The following STAT1 variants were observed in gnomAD, a reference collection of about 807,000 sequenced individuals.
STAT1 encodes signal transducer and activator of transcription 1-alpha/beta.
A neutral mutation model predicts 111.7 loss-of-function variants in STAT1; 24 were observed. That is an observed-to-expected ratio of 0.21 (90% CI 0.16 to 0.30). The LOEUF (loss-of-function observed/expected upper bound fraction) is 0.30, where lower values mean the gene tolerates loss of function less well. STAT1 is among the 10% of genes least tolerant of loss of function. STAT1 has a pLI of 1.00. For synonymous variants in STAT1, 332 were observed against 326.5 expected, an observed-to-expected ratio of 1.02 and a Z score of -0.18; for missense variants, 351 against 911.9, an observed-to-expected ratio of 0.38 and a Z score of 7.92.
chr2:190,990,915 T>G lies in STAT1; in HGVS notation c.1037+313A>C, dbSNP rs1559014350. ...GTTATGAGCCTATGCCCAAGAGGGG[T>G]GAGGCAGCCAGGAACTTTTACTCTC... is the stretch of plus-strand genomic sequence containing the variant. On this transcript the variant is annotated intron_variant, in intron 11 of 24. Transcript: ENST00000361099. This position sits in a 1 kb window ranked among gnomAD's most constrained non-coding sequence, Gnocchi z 5.1. Among the ~76,000 whole-genome samples the G allele has an allele frequency of 6.6e-6, 1 of 152,162 alleles. No homozygotes were observed. The highest frequency in any genetic ancestry group is 1.5e-5 in the Non-Finnish European group (1 of 68,032).
Position 190,984,192 on chromosome 2 carries a change from A to G in STAT1, c.1347+118T>C, listed in dbSNP as rs1574645829. 1.2e-6 allele frequency: 1 copy of G among 853,906 alleles called. No individual in the cohort carries two copies. The highest frequency in any genetic ancestry group is 1.5e-5 in the South Asian group (1 of 65,762). The allele number at this position is 853,906 out of a possible 1,614,324, so 52.9% of individuals were successfully genotyped here. A position where few individuals can be genotyped will look rare whatever the true frequency, so the allele number is the denominator to read the frequency against. ...GTTAAGATAGTATTAGCTGAAAAAG[A>G]TCATTTTAAAACAATTAGGTAAATA... On this transcript the variant is annotated intron_variant, in intron 16 of 24. Coordinates refer to ENST00000361099, the MANE Select transcript of STAT1 (RefSeq NM_007315.4). This position sits in a 1 kb window ranked among gnomAD's most constrained non-coding sequence, Gnocchi z 5.2.
chr2:191,013,741 TGGG>T (rs961342309), intron 1 of STAT1, 63 bp from the exon 2 acceptor site: 5 of 398,426 alleles, frequency 1.3e-5, no homozygotes, highest in African/African-American at 1.0e-4. Context: ...TGACGGTAAA[TGGG>T]AAGGTGCAGT....
In STAT1 at chr2:190,987,486, G is replaced by C. The variant is rs891298551; in HGVS notation, c.1098-418C>G. Among the ~76,000 whole-genome samples, 1 of 152,190 alleles carries C rather than the reference G, an allele frequency of 6.6e-6. No homozygotes were observed. Among genetic ancestry groups the C allele is most frequent in the South Asian group, 2.1e-4 (1 of 4,830 alleles). ...GGTGCAAGGCCCTGCACTAAGCACT[G>C]GGGATCCAGCCAACAGCACTGCCCA... On this transcript the variant is annotated intron_variant, in intron 12 of 24. Coordinates refer to ENST00000361099, the MANE Select transcript of STAT1 (RefSeq NM_007315.4). The surrounding 1 kb of genome is among the most constrained non-coding windows in gnomAD (Gnocchi z 4.0).
chr2:191,012,645 C>G lies in STAT1; in HGVS notation c.-2+880G>C, dbSNP rs1177382826. Among the ~76,000 whole-genome samples the G allele has an allele frequency of 6.6e-6, 1 of 152,124 alleles. No homozygotes were observed. The highest frequency in any genetic ancestry group is 1.5e-5 in the Non-Finnish European group (1 of 68,022). On this transcript the variant is annotated intron_variant, in intron 2 of 24. Coordinates refer to ENST00000361099, the MANE Select transcript of STAT1 (RefSeq NM_007315.4). The surrounding 1 kb of genome is among the most constrained non-coding windows in gnomAD (Gnocchi z 4.0). ...AGCCTCTGCTGCCCACAGATTGGAC[C>G]ACATCAATCTCCTGTGCAAAAATCC...
intron 10 of STAT1, among the ~76,000 whole-genome samples, chr2:190,991,556 T>C (rs554739298): frequency 3.7e-4 from 56 of 152,278 alleles, no homozygotes; most frequent in South Asian, 1.7e-3. Flanking sequence ...AACTATTACA[T>C]TGAAACAAAC....
At chr2:190,972,090 T>A (rs927839107) in intron 24 of STAT1, among the ~76,000 whole-genome samples, 1 of 152,098 alleles carries the variant, frequency 6.6e-6, no homozygotes, top group Non-Finnish European at 1.5e-5. Flanking sequence ...GATAGATAGA[T>A]AGAGGAAGAG....
At position 191,007,731 on chromosome 2, in the gene STAT1, T is replaced by C. The variant is rs1694814043; in HGVS notation, c.274-70A>G. 2.6e-6 allele frequency: 3 copies of C among 1,151,804 alleles called. No individual in the cohort carries two copies. The highest frequency in any genetic ancestry group is 4.7e-5 in the East Asian group (2 of 42,632). The allele number at this position is 1,151,804 out of a possible 1,614,324, so 71.3% of individuals were successfully genotyped here. On this transcript the variant is annotated intron_variant, in intron 4 of 24. Coordinates refer to ENST00000361099, the MANE Select transcript of STAT1 (RefSeq NM_007315.4). The surrounding 1 kb of genome is among the most constrained non-coding windows in gnomAD (Gnocchi z 4.2). ...GTTTACTTTATTGTGTATTGTAAGT[T>C]GATATGAATTTGTTTATATTCTCCG...
rs972126809 is a variant in STAT1, at chr2:190,996,783, C to T, written c.785+1073G>A. Among the ~76,000 whole-genome samples, 4 of 152,126 alleles carry T rather than the reference C, an allele frequency of 2.6e-5. No individual in the cohort carries two copies. Among genetic ancestry groups the T allele is most frequent in the African/African-American group, 9.7e-5 (4 of 41,406 alleles). Reference sequence around the variant, plus strand: ...AGATCTCTGGTCCTTGGACCCTTAGCAATTGTCCCAGGCCACCTTCCCTCA... The same window carrying T: ...AGATCTCTGGTCCTTGGACCCTTAGTAATTGTCCCAGGCCACCTTCCCTCA... On this transcript the variant is annotated intron_variant, in intron 9 of 24. Coordinates refer to ENST00000361099, the MANE Select transcript of STAT1 (RefSeq NM_007315.4). This position sits in a 1 kb window ranked among gnomAD's most constrained non-coding sequence, Gnocchi z 4.5.
At position 190,970,846 on chromosome 2, in the gene STAT1, CGT is replaced by C. The variant is rs2124977336; in HGVS notation, c.2239-131_2239-130del. On this transcript the variant is annotated intron_variant, in intron 24 of 24. Transcript: ENST00000361099. The surrounding 1 kb of genome is among the most constrained non-coding windows in gnomAD (Gnocchi z 5.4). Reference sequence around the variant, plus strand: ...GATACTTGCAATGGCAAATAAATACCGTGGAATAAGAGGGCCTTCAGCATGTA... The same window carrying C: ...GATACTTGCAATGGCAAATAAATACCGGAATAAGAGGGCCTTCAGCATGTA... The C allele has an allele frequency of 4.5e-6, 4 of 895,648 alleles. No homozygotes were observed. Among genetic ancestry groups the C allele is most frequent in the Non-Finnish European group, 7.2e-6 (4 of 553,102 alleles). 55.5% of individuals were successfully genotyped at this position (895,648 alleles called of 1,614,324 possible).
intron 5 of STAT1, among the ~76,000 whole-genome samples, chr2:191,005,069 C>CA (rs1324626825): frequency 6.6e-6 from 1 of 152,166 alleles, no homozygotes; most frequent in Non-Finnish European, 1.5e-5. Flanking sequence ...TATTAAAAAA[C>CA]AATGGGAACA....
Position 191,004,140 on chromosome 2 carries a change from C to T in STAT1, c.373-2977G>A, listed in dbSNP as rs913557959. On this transcript the variant is annotated intron_variant, in intron 5 of 24. Transcript: ENST00000361099. This position sits in a 1 kb window ranked among gnomAD's most constrained non-coding sequence, Gnocchi z 5.0. ...TCTTACCCCTTCCACTCATCCCTCC[C>T]TGCTTCCCTCCACCCTGCCCCCATC... is the stretch of plus-strand genomic sequence containing the variant. 4.6e-5 allele frequency among the ~76,000 whole-genome samples: 7 copies of T among 152,312 alleles called. No homozygotes were observed. Among genetic ancestry groups the T allele is most frequent in the Middle Eastern group, 6.8e-3 (2 of 294 alleles).
Position 190,996,779 on chromosome 2 carries a change from T to G in STAT1, c.785+1077A>C, listed in dbSNP as rs1693890484. Reference sequence around the variant, plus strand: ...CGTGAGATCTCTGGTCCTTGGACCCTTAGCAATTGTCCCAGGCCACCTTCC... The same window carrying G: ...CGTGAGATCTCTGGTCCTTGGACCCGTAGCAATTGTCCCAGGCCACCTTCC... On this transcript the variant is annotated intron_variant, in intron 9 of 24. Coordinates refer to ENST00000361099, the MANE Select transcript of STAT1 (RefSeq NM_007315.4). The surrounding 1 kb of genome is among the most constrained non-coding windows in gnomAD (Gnocchi z 4.5). 6.6e-6 allele frequency among the ~76,000 whole-genome samples: 1 copy of G among 152,186 alleles called. No individual in the cohort carries two copies. The highest frequency in any genetic ancestry group is 1.5e-5 in the Non-Finnish European group (1 of 68,026).
At position 190,974,692 on chromosome 2, in the gene STAT1, T is replaced by C; in HGVS notation, c.2238+138A>G. 1.3e-6 allele frequency: 1 copy of C among 748,364 alleles called. No individual in the cohort carries two copies. Among genetic ancestry groups the C allele is most frequent in the East Asian group, 2.7e-5 (1 of 37,466 alleles). 46.4% of individuals were successfully genotyped at this position (748,364 alleles called of 1,614,324 possible). ...TCCAGCAGCTCCAACTTGTCATGGCTCATCTGAGCACTGCACTCTCCTTGG... is the reference window on the plus strand; with the variant it reads ...TCCAGCAGCTCCAACTTGTCATGGCCCATCTGAGCACTGCACTCTCCTTGG... On this transcript the variant is annotated intron_variant, in intron 24 of 24. Coordinates refer to ENST00000361099, the MANE Select transcript of STAT1 (RefSeq NM_007315.4). The surrounding 1 kb of genome is among the most constrained non-coding windows in gnomAD (Gnocchi z 4.8).
chr2:190,994,216 A>G (rs925579032), intron 10 of STAT1, among the ~76,000 whole-genome samples: 3 of 152,218 alleles, frequency 2.0e-5, no homozygotes, highest in Non-Finnish European at 4.4e-5. Context: ...TATAGGAATC[A>G]GCAAGAGGTC....
Position 191,011,470 on chromosome 2 carries a change from G to A in STAT1, c.-1-1466C>T, listed in dbSNP as rs145234062. On this transcript the variant is annotated intron_variant, in intron 2 of 24. Coordinates refer to ENST00000361099, the MANE Select transcript of STAT1 (RefSeq NM_007315.4). Reference sequence around the variant, plus strand: ...CTTGCTCTGTCATCCAGGTTGGAGCGCAGTGGCAGTGGAGCGCAGTTCACT... The same window carrying A: ...CTTGCTCTGTCATCCAGGTTGGAGCACAGTGGCAGTGGAGCGCAGTTCACT... Among the ~76,000 whole-genome samples the A allele has an allele frequency of 3.3e-5, 5 of 152,252 alleles. 1 individual carries two copies. Among genetic ancestry groups the A allele is most frequent in the Admixed American group, 1.3e-4 (2 of 15,300 alleles).
Position 190,996,029 on chromosome 2 carries a change from AT to A in STAT1, c.786-811del, listed in dbSNP as rs71403203. The stretch of plus-strand genomic sequence containing the variant: ...AGTGTCTCGGCAGGACCAGTCAGAG[AT>A]GTGGGGCAGAGGGGCAGGAGGAGAG... On this transcript the variant is annotated intron_variant, in intron 9 of 24. Coordinates refer to ENST00000361099, the MANE Select transcript of STAT1 (RefSeq NM_007315.4). The surrounding 1 kb of genome is among the most constrained non-coding windows in gnomAD (Gnocchi z 4.5). Among the ~76,000 whole-genome samples, 11,787 of 152,158 alleles carry A rather than the reference AT, an allele frequency of 0.077. 565 individuals carry two copies. The highest frequency in any genetic ancestry group is 0.12 in the Middle Eastern group (34 of 294).
intron 15 of STAT1, among the ~76,000 whole-genome samples, chr2:190,985,326 G>T (rs1260453480): frequency 6.6e-6 from 1 of 152,198 alleles, no homozygotes; most frequent in African/African-American, 2.4e-5. Flanking sequence ...AAACTTCTGT[G>T]AGTCAATTTC....
rs41411845 is a variant in STAT1 at position 190,998,044 on chromosome 2, A to C, written c.634-37T>G. 0.012 allele frequency: 19,328 copies of C among 1,609,040 alleles called. 136 individuals carry two copies. Among genetic ancestry groups the C allele is most frequent in the Non-Finnish European group, 0.014 (16,360 of 1,176,174 alleles). ...AGAAGAAACAAAGTGAAATAAATTC[A>C]TTTTTAATCACTGAATTTTAAAATA... On this transcript the variant is annotated intron_variant, in intron 8 of 24. Coordinates refer to ENST00000361099, the MANE Select transcript of STAT1 (RefSeq NM_007315.4). The surrounding 1 kb of genome is among the most constrained non-coding windows in gnomAD (Gnocchi z 4.1).
chr2:191,004,268 A>G lies in STAT1; in HGVS notation c.373-3105T>C, dbSNP rs149783952. ...TTTCTAAGAAACCAGGAGTACTGAA[A>G]CCACGGGAATTTCAAACACTGAAGT... On this transcript the variant is annotated intron_variant, in intron 5 of 24. Coordinates refer to ENST00000361099, the MANE Select transcript of STAT1 (RefSeq NM_007315.4). The surrounding 1 kb of genome is among the most constrained non-coding windows in gnomAD (Gnocchi z 5.0). 3.2e-3 allele frequency among the ~76,000 whole-genome samples: 483 copies of G among 152,306 alleles called. 1 individual carries two copies. The highest frequency in any genetic ancestry group is 0.011 in the African/African-American group (440 of 41,572).
Sources: allele counts gnomAD v4.1 joint callset (sites outside exome capture counted in the v4.1 genomes callset), GRCh38; gene constraint gnomAD v4.1.1; non-coding constraint Gnocchi (gnomAD v3.1); transcripts MANE v1.5; gene names NCBI Gene and HGNC (gene_info 2026-07-23, HGNC 2026-07-21).